The following HIP1 variants were observed in gnomAD, a reference collection of about 807,000 sequenced individuals.
The protein encoded by HIP1 is huntingtin-interacting protein 1.
Under a neutral mutation model 147.6 loss-of-function variants are expected in HIP1, and 65 were observed. The observed-to-expected ratio is 0.44, with a 90% confidence interval of 0.36 to 0.54. The LOEUF is 0.54. Ranked by LOEUF, HIP1 falls within the 20% of genes least tolerant of loss-of-function variation. The pLI is 0.00. For missense variants in HIP1, 1,061 were observed against 1,299.6 expected, an observed-to-expected ratio of 0.82 and a Z score of 2.82; for synonymous variants, 479 against 504.0, an observed-to-expected ratio of 0.95 and a Z score of 0.67.
chr7:75,731,771 C>G (rs1801843768), intron 1 of HIP1, among the ~76,000 whole-genome samples: 1 of 152,078 alleles, frequency 6.6e-6, no homozygotes, highest in African/African-American at 2.4e-5. Flanking sequence ...TAACCAGAAC[C>G]AACTGAGCCA....
At chr7:75,610,204 T>C (rs62478487) in intron 1 of HIP1, among the ~76,000 whole-genome samples, 32 of 56,734 alleles carry the variant, frequency 5.6e-4, no homozygotes, top group Middle Eastern at 9.8e-3. Flanking sequence ...CATCCAGCCC[T>C]TTTTTTTTTT....
chr7:75,558,201 T>G lies in HIP1; in HGVS notation c.1430A>C (p.Glu477Ala). Residue 477 changes from glutamate to alanine, a missense_variant, in exon 15 of 31, where the codon GAG (glutamate) becomes GCG (alanine). Physicochemically the swap from Glu to Ala is moderately radical, Grantham distance 107 (BLOSUM62 -1). Transcript: ENST00000336926. ...CAGGTCAGCGTGGTTCTGAACCAGC[T>G]CGCTGTACTTCTCCTTTAGCTTGCT... ...RYSKLKEKYS[E>A]LVQNHADLLR... 2 of 1,614,220 alleles carry G rather than the reference T, an allele frequency of 1.2e-6. No homozygotes were observed. The highest frequency in any genetic ancestry group is 1.7e-6 in the Non-Finnish European group (2 of 1,180,022).
intron 1 of HIP1, among the ~76,000 whole-genome samples, chr7:75,643,170 A>G (rs1554510701): frequency 1.3e-5 from 2 of 152,246 alleles, no homozygotes; most frequent in Non-Finnish European, 2.9e-5. Flanking sequence ...CTTTAGAGGC[A>G]TAGAAGTCCA....
At chr7:75,733,022 G>A (rs1801886771) in intron 1 of HIP1, among the ~76,000 whole-genome samples, 1 of 152,170 alleles carries the variant, frequency 6.6e-6, no homozygotes, top group African/African-American at 2.4e-5. Context: ...CACGGTATGT[G>A]CTCACTAAAC....
At chr7:75,673,223 A>T (rs990762147) in intron 1 of HIP1, among the ~76,000 whole-genome samples, 49 of 151,990 alleles carry the variant, frequency 3.2e-4, no homozygotes, top group African/African-American at 1.1e-3. Context: ...GAGTTTCACT[A>T]TATTGACCAG....
intron 29 of HIP1, among the ~76,000 whole-genome samples, chr7:75,541,687 C>A (rs1445021172): frequency 1.3e-5 from 2 of 150,098 alleles, no homozygotes; most frequent in African/African-American, 4.9e-5. Flanking sequence ...CAGGACGAGA[C>A]TCCGTCTCAA....
chr7:75,546,946 C>T lies in HIP1; in HGVS notation c.2552G>A (p.Ser851Asn). 6.4e-7 allele frequency: 1 copy of T among 1,569,764 alleles called. No individual in the cohort carries two copies. The highest frequency in any genetic ancestry group is 8.7e-7 in the Non-Finnish European group (1 of 1,156,068). The stretch of plus-strand genomic sequence containing the variant: ...GCCCACACCCACGCTCACCCTGCCG[C>T]TCTCCACAATCTCTCTCTGGAGGTC... ...SKDLQREIVE[S>N]GRGTASPKEF... Residue 851 changes from serine (S) to asparagine (N), a missense_variant, in exon 25 of 31, where the codon AGC (serine) becomes AAC (asparagine). Transcript: ENST00000336926.
intron 27 of HIP1, among the ~76,000 whole-genome samples, chr7:75,544,349 A>T (rs1346868787): frequency 1.3e-5 from 2 of 151,984 alleles, no homozygotes; most frequent in Non-Finnish European, 2.9e-5. Context: ...ACTCCTAAGT[A>T]GTCTCTAACC....
At chr7:75,734,778 G>A (rs1344592384) in intron 1 of HIP1, among the ~76,000 whole-genome samples, 2 of 152,172 alleles carry the variant, frequency 1.3e-5, no homozygotes, top group African/African-American at 4.8e-5. Context: ...TAGTCTAGAT[G>A]TCTCTTTATT....
intron 1 of HIP1, among the ~76,000 whole-genome samples, chr7:75,601,885 T>C (rs990921814): frequency 6.6e-6 from 1 of 152,018 alleles, no homozygotes; most frequent in Admixed American, 6.6e-5. Context: ...CAGGGCTTCT[T>C]GGACTAGTCT....
intron 1 of HIP1, among the ~76,000 whole-genome samples, chr7:75,690,421 T>C (rs1554518023): frequency 6.6e-6 from 1 of 152,074 alleles, no homozygotes; most frequent in East Asian, 1.9e-4. Flanking sequence ...TGAGATACCA[T>C]TTCACACTCA....
chr7:75,608,938 C>G (rs1408607244), intron 1 of HIP1, among the ~76,000 whole-genome samples: 1 of 152,148 alleles, frequency 6.6e-6, no homozygotes, highest in African/African-American at 2.4e-5. Context: ...AGGGGAGGAA[C>G]ATGACACAAA....
In HIP1 at chr7:75,549,006, G is replaced by C; in HGVS notation, c.2296-5C>G. 1 of 1,601,022 alleles carries C rather than the reference G, an allele frequency of 6.2e-7. No individual in the cohort carries two copies. The highest frequency in any genetic ancestry group is 2.2e-5 in the East Asian group (1 of 44,798). On this transcript the variant is annotated splice_region_variant and splice_polypyrimidine_tract_variant and intron_variant, in intron 22 of 30. Coordinates refer to ENST00000336926, the MANE Select transcript of HIP1 (RefSeq NM_005338.7). ...CAGTCCCCTGGGCAGGAGCTCCTGT[G>C]AACACATCACAAAGGCTGAACTGAC...
At chr7:75,713,640 G>A (rs1470645940) in intron 1 of HIP1, among the ~76,000 whole-genome samples, 1 of 151,918 alleles carries the variant, frequency 6.6e-6, no homozygotes, top group Admixed American at 6.6e-5. Flanking sequence ...GGGATGAAAG[G>A]CCTGGTGGGG....
intron 1 of HIP1, among the ~76,000 whole-genome samples, chr7:75,664,029 T>TAC (rs1799427646): frequency 1.0e-4 from 1 of 9,820 alleles, no homozygotes; most frequent in Admixed American, 1.3e-3. Context: ...CATATATGTG[T>TAC]ATATATATAC....
intron 1 of HIP1, among the ~76,000 whole-genome samples, chr7:75,613,257 T>C (rs940211012): frequency 1.3e-5 from 2 of 152,070 alleles, no homozygotes; most frequent in Admixed American, 6.6e-5. Flanking sequence ...CAAATGGAGA[T>C]CAGGTGAGCC....
chr7:75,551,558 C>G (rs1272406108), intron 22 of HIP1, among the ~76,000 whole-genome samples: 1 of 150,572 alleles, frequency 6.6e-6, no homozygotes, highest in Non-Finnish European at 1.5e-5. Flanking sequence ...GTCTTACTCT[C>G]TCACCCAGGC....
At chr7:75,564,806 C>T (rs587612507) in intron 9 of HIP1, among the ~76,000 whole-genome samples, 1 of 152,130 alleles carries the variant, frequency 6.6e-6, no homozygotes, top group East Asian at 1.9e-4. Flanking sequence ...CTATGTTGTC[C>T]AGGCTGGTCT....
At chr7:75,665,429 G>A (rs975396858) in intron 1 of HIP1, among the ~76,000 whole-genome samples, 3 of 152,146 alleles carry the variant, frequency 2.0e-5, no homozygotes, top group Non-Finnish European at 4.4e-5. Flanking sequence ...ACCACGTGGG[G>A]CACAAAAGGG....
Sources: allele counts gnomAD v4.1 joint callset (sites outside exome capture counted in the v4.1 genomes callset), GRCh38; gene constraint gnomAD v4.1.1; transcripts MANE v1.5; gene names NCBI Gene and HGNC (gene_info 2026-07-23, HGNC 2026-07-21).